KCNJ6: variants seen among roughly 807,000 people sequenced by gnomAD.
KCNJ6 encodes the protein potassium inwardly rectifying channel subfamily J member 6.
Under a neutral mutation model 34.2 loss-of-function variants are expected in KCNJ6, and 9 were observed. The observed-to-expected ratio is 0.26, with a 90% CI of 0.16 to 0.46. The LOEUF is 0.46. Ranked by LOEUF, KCNJ6 falls within the 20% of genes least tolerant of loss-of-function variation. The probability of loss-of-function intolerance (pLI) is 1.00; values close to 1 mark genes in which losing one functional copy is unlikely to be tolerated. For missense variants in KCNJ6, 236 were observed against 531.3 expected, an observed-to-expected ratio of 0.44 and a Z score of 5.46; for synonymous variants, 196 against 207.1, an observed-to-expected ratio of 0.95 and a Z score of 0.46.
intron 2 of KCNJ6, among the ~76,000 whole-genome samples, chr21:37,770,816 GTA>G (rs1256005699): frequency 2.6e-5 from 4 of 152,096 alleles, no homozygotes; most frequent in Non-Finnish European, 5.9e-5. Context: ...GGATATATTT[GTA>G]TATATATGTT....
rs372545764 is a variant in KCNJ6 at position 37,814,089 on chromosome 21, G to A, written c.25+26569C>T. On this transcript the variant is annotated intron_variant, in intron 2 of 3. Transcript: ENST00000609713. ...AATCTAATAATCCGATCAAAAAATA[G>A]GCAAAAGATTTGAATAGACATTTCT... is the stretch of plus-strand genomic sequence containing the variant. 3.3e-5 allele frequency among the ~76,000 whole-genome samples: 5 copies of A among 152,214 alleles called. No homozygotes were observed. The East Asian group carries it at 9.7e-4, about 29-fold the overall frequency.
At chr21:37,780,321 G>A (rs1206478170) in intron 2 of KCNJ6, among the ~76,000 whole-genome samples, 1 of 152,184 alleles carries the variant, frequency 6.6e-6, no homozygotes, top group Non-Finnish European at 1.5e-5. Context: ...GATAGAGGAA[G>A]TGATGAACAG....
intron 3 of KCNJ6, among the ~76,000 whole-genome samples, chr21:37,651,576 G>A (rs759659594): frequency 2.6e-5 from 4 of 152,094 alleles, no homozygotes; most frequent in South Asian, 2.1e-4. Context: ...AAGACAGAGC[G>A]GGGAAGGGAA....
intron 2 of KCNJ6, among the ~76,000 whole-genome samples, chr21:37,791,880 G>C (rs537048071): frequency 6.6e-6 from 1 of 152,104 alleles, no homozygotes; most frequent in Non-Finnish European, 1.5e-5. Context: ...TCAAATCAGC[G>C]TACTTGGAAT....
At chr21:37,753,501 C>T (rs759803947) in intron 2 of KCNJ6, among the ~76,000 whole-genome samples, 60 of 150,770 alleles carry the variant, frequency 4.0e-4, no homozygotes, top group African/African-American at 1.4e-3. Flanking sequence ...AAAATAGAAA[C>T]GGAGAGCTGA....
At chr21:37,804,481 T>G (rs1568854726) in intron 2 of KCNJ6, among the ~76,000 whole-genome samples, 1 of 152,152 alleles carries the variant, frequency 6.6e-6, no homozygotes, top group Non-Finnish European at 1.5e-5. Flanking sequence ...ACAGGTAAAC[T>G]TGTGTCATGG....
rs548340339 is a variant in KCNJ6, at chr21:37,716,788, C to T, written c.26-1657G>A. Among the ~76,000 whole-genome samples the T allele has an allele frequency of 1.2e-3, 185 of 152,180 alleles. 2 individuals carry two copies. The highest frequency in any genetic ancestry group is 6.8e-3 in the Middle Eastern group (2 of 294). ...CTTGAGTGCAGGGGAATTTTGGAAC[C>T]GATTTCTGCTGTTTAAAAGCATATA... On this transcript the variant is annotated intron_variant, in intron 2 of 3. Transcript: ENST00000609713.
At chr21:37,632,083 G>C (rs530175139) in intron 3 of KCNJ6, among the ~76,000 whole-genome samples, 1 of 152,168 alleles carries the variant, frequency 6.6e-6, no homozygotes, top group Non-Finnish European at 1.5e-5. Flanking sequence ...AGAAGTATCA[G>C]AAAAGGAGGC....
intron 1 of KCNJ6, among the ~76,000 whole-genome samples, chr21:37,903,217 G>A (rs978611556): frequency 6.6e-6 from 1 of 152,128 alleles, no homozygotes; most frequent in African/African-American, 2.4e-5. Context: ...GTGGGGCCAG[G>A]TGGAGATAAC....
At chr21:37,632,095 C>A (rs1378447790) in intron 3 of KCNJ6, among the ~76,000 whole-genome samples, 1 of 151,864 alleles carries the variant, frequency 6.6e-6, no homozygotes, top group Non-Finnish European at 1.5e-5. Flanking sequence ...AAAGGAGGCC[C>A]GGGAGCTGAA....
At chr21:37,880,939 G>A (rs1183134383) in intron 1 of KCNJ6, among the ~76,000 whole-genome samples, 1 of 152,088 alleles carries the variant, frequency 6.6e-6, no homozygotes, top group South Asian at 2.1e-4. Flanking sequence ...GATAGAGATG[G>A]CTCAGGAGGG....
chr21:37,720,188 TAAAA>T (rs992801744), intron 2 of KCNJ6, among the ~76,000 whole-genome samples: 9 of 152,056 alleles, frequency 5.9e-5, no homozygotes, highest in Admixed American at 3.3e-4. Context: ...CTTTTATAAT[TAAAA>T]AAACAAATTG....
chr21:37,821,682 C>T (rs191970362), intron 2 of KCNJ6, among the ~76,000 whole-genome samples: 2 of 152,206 alleles, frequency 1.3e-5, no homozygotes, highest in South Asian at 2.1e-4. Flanking sequence ...TGTTAGGGTA[C>T]TTTATTTCTT....
chr21:37,714,965 A>G lies in KCNJ6; in HGVS notation c.192T>C (p.Asn64=), dbSNP rs2123452047. 4 of 1,614,190 alleles carry G rather than the reference A, an allele frequency of 2.5e-6. No individual in the cohort carries two copies. The highest frequency in any genetic ancestry group is 3.4e-6 in the Non-Finnish European group (4 of 1,180,038). The change falls in exon 3 of 4, where the codon AAT becomes AAC. Residue 64 remains asparagine, a synonymous_variant. Coordinates refer to ENST00000609713, the MANE Select transcript of KCNJ6 (RefSeq NM_002240.5). The surrounding 1 kb of genome is among the most constrained non-coding windows in gnomAD (Gnocchi z 5.9). The stretch of plus-strand genomic sequence containing the variant: ...TCTCCCTCACGTTGCCGTGATGAAC[A>G]TTGCACTTTCCGTCTTTCCTCACGT... ...QRYVRKDGKC[N]VHHGNVRETY...
chr21:37,634,330 G>A (rs747307714), intron 3 of KCNJ6, among the ~76,000 whole-genome samples: 1 of 152,076 alleles, frequency 6.6e-6, no homozygotes, highest in Non-Finnish European at 1.5e-5. Flanking sequence ...CTTGCCATGT[G>A]AGCGTCATGC....
chr21:37,753,365 T>G (rs1449292464), intron 2 of KCNJ6, among the ~76,000 whole-genome samples: 2 of 152,236 alleles, frequency 1.3e-5, no homozygotes, highest in Non-Finnish European at 2.9e-5. Context: ...TCTGCGTTTC[T>G]TCCTGGGAAA....
At chr21:37,778,220 A>T (rs1181902017) in intron 2 of KCNJ6, among the ~76,000 whole-genome samples, 2 of 152,168 alleles carry the variant, frequency 1.3e-5, no homozygotes, top group African/African-American at 4.8e-5. Context: ...GTCCTCAGTC[A>T]GTTCTTACCA....
chr21:37,708,773 A>C (rs570729014), intron 3 of KCNJ6, among the ~76,000 whole-genome samples: 89 of 152,356 alleles, frequency 5.8e-4, no homozygotes, highest in African/African-American at 2.1e-3. Flanking sequence ...AGGGATCAGC[A>C]GTAAATTATC....
chr21:37,631,810 G>A (rs1270396226), intron 3 of KCNJ6, among the ~76,000 whole-genome samples: 1 of 152,198 alleles, frequency 6.6e-6, no homozygotes, highest in Non-Finnish European at 1.5e-5. Context: ...CGTTAATTGA[G>A]TGTGAGGACT....
Sources: allele counts gnomAD v4.1 joint callset (sites outside exome capture counted in the v4.1 genomes callset), GRCh38; gene constraint gnomAD v4.1.1; non-coding constraint Gnocchi (gnomAD v3.1); transcripts MANE v1.5; gene names NCBI Gene and HGNC (gene_info 2026-07-23, HGNC 2026-07-21).